PRIM2: variants seen among roughly 807,000 people sequenced by gnomAD.
The protein encoded by PRIM2 is DNA primase large subunit.
In PRIM2, 39 loss-of-function variants were observed where a neutral mutation model predicts 67.3. The ratio of observed to expected loss-of-function variants is 0.58; its 90% confidence interval spans 0.45 to 0.76. The LOEUF (loss-of-function observed/expected upper bound fraction) is 0.76. PRIM2 is among the 30% of genes least tolerant of loss of function. The pLI is 0.00. For synonymous variants in PRIM2, 143 were observed against 198.7 expected (o/e 0.72, Z 2.36); for missense variants, 398 against 598.7 (o/e 0.66, Z 3.50).
In PRIM2 at chr6:57,543,096, C is replaced by T. The variant is rs1466088276; in HGVS notation, c.1020+5471C>T. Among the ~76,000 whole-genome samples the T allele has an allele frequency of 4.7e-5, 7 of 148,696 alleles. No homozygotes were observed. The South Asian group carries it at 6.4e-4, about 14-fold the overall frequency. On this transcript the variant is annotated intron_variant, in intron 10 of 13. Transcript: ENST00000615550. Reference sequence around the variant, plus strand: ...CTGGGACTACAGGCGCCCGCCACCTCGCCCGGCTAAGTTTTTGTATTTTTA... The same window carrying T: ...CTGGGACTACAGGCGCCCGCCACCTTGCCCGGCTAAGTTTTTGTATTTTTA...
the PRIM2 span, among the ~76,000 whole-genome samples, chr6:57,280,506 ACTTT>A: frequency 6.6e-6 from 1 of 151,828 alleles, no homozygotes; most frequent in Admixed American, 6.6e-5. Flanking sequence ...TTAACCAAGT[ACTTT>A]CTTTCTTGTT....
intron 8 of PRIM2, among the ~76,000 whole-genome samples, chr6:57,511,340 T>TTCAC (rs1387825417): frequency 1.4e-4 from 22 of 152,236 alleles, no homozygotes; most frequent in Admixed American, 1.1e-3. Context: ...GTATTGTCCA[T>TTCAC]TCACTCATTA....
intron 7 of PRIM2, among the ~76,000 whole-genome samples, chr6:57,487,935 A>T (rs1411188495): frequency 6.6e-6 from 1 of 152,204 alleles, no homozygotes; most frequent in Admixed American, 6.5e-5. Context: ...GCCTGTTTAT[A>T]TGTTCCCTTC....
At chr6:57,284,073 T>C in the PRIM2 span, among the ~76,000 whole-genome samples, 2 of 152,166 alleles carry the variant, frequency 1.3e-5, no homozygotes, top group Non-Finnish European at 2.9e-5. Context: ...TCCCCATAAG[T>C]ATCCTGGCTT....
rs1175420628 is a variant in PRIM2 at position 57,614,068 on chromosome 6, A to G, written c.1230+7611A>G. ...CTGGGCCACGGACTGGTACTTGTCC[A>G]TGGCCTGTTAGGAACAGCAGGAGGT... On this transcript the variant is annotated intron_variant, in intron 12 of 13. Coordinates refer to ENST00000615550, the MANE Select transcript of PRIM2 (RefSeq NM_000947.5). Among the ~76,000 whole-genome samples the G allele has an allele frequency of 1.4e-3, 211 of 152,226 alleles. 5 individuals are homozygous for G. The East Asian group carries it at 0.019, about 14-fold the overall frequency.
At chr6:57,368,386 T>C (rs1197503758) in intron 5 of PRIM2, among the ~76,000 whole-genome samples, 2 of 152,182 alleles carry the variant, frequency 1.3e-5, no homozygotes, top group Non-Finnish European at 2.9e-5. Context: ...ACATACTTAC[T>C]TAATGACCAG....
chr6:57,296,740 C>A, the PRIM2 span, among the ~76,000 whole-genome samples: 4 of 152,170 alleles, frequency 2.6e-5, no homozygotes, highest in Non-Finnish European at 5.9e-5. Flanking sequence ...TACCAACGAG[C>A]ATGCCTAGCA....
chr6:57,382,832 G>A (rs925643179), intron 7 of PRIM2: 6 of 152,100 alleles, frequency 3.9e-5, no homozygotes, highest in Admixed American at 1.3e-4. Flanking sequence ...GACTTCAAAG[G>A]TTTGTGACAT....
the PRIM2 span, among the ~76,000 whole-genome samples, chr6:57,277,705 C>G: frequency 6.6e-6 from 1 of 151,948 alleles, no homozygotes; most frequent in East Asian, 1.9e-4. Context: ...TCTGGCCAGG[C>G]GCGGTGGCTT....
the PRIM2 span, among the ~76,000 whole-genome samples, chr6:57,233,492 G>A: frequency 6.6e-6 from 1 of 152,154 alleles, no homozygotes; most frequent in African/African-American, 2.4e-5. Context: ...CACAAAATGC[G>A]TAAAATGATC....
chr6:57,643,744 A>T (rs1267545471), intron 13 of PRIM2, among the ~76,000 whole-genome samples: 16 of 152,346 alleles, frequency 1.1e-4, no homozygotes, highest in African/African-American at 3.8e-4. Flanking sequence ...AAACATTTTG[A>T]AATCAAGCAG....
At chr6:57,392,651 G>GGATATCCACAA (rs1770393093) in intron 7 of PRIM2, among the ~76,000 whole-genome samples, 1 of 150,468 alleles carries the variant, frequency 6.6e-6, no homozygotes, top group African/African-American at 2.4e-5. Context: ...TTTTTTTTGT[G>GGATATCCACAA]GATATCCAAA....
At chr6:57,605,300 G>C (rs1231682554) in intron 11 of PRIM2, among the ~76,000 whole-genome samples, 1 of 152,106 alleles carries the variant, frequency 6.6e-6, no homozygotes, top group African/African-American at 2.4e-5. Context: ...TTGAGTTAAT[G>C]GGGGGAGTCC....
chr6:57,246,671 G>A, the PRIM2 span, among the ~76,000 whole-genome samples: 9 of 152,132 alleles, frequency 5.9e-5, no homozygotes, highest in African/African-American at 2.2e-4. Flanking sequence ...AGAGAACACT[G>A]TGATAACCAA....
intron 10 of PRIM2, among the ~76,000 whole-genome samples, chr6:57,575,789 T>G (rs1262271380): frequency 6.6e-6 from 1 of 152,138 alleles, no homozygotes; most frequent in Non-Finnish European, 1.5e-5. Context: ...GTTTGTTTGT[T>G]TGTTTTGAGA....
At chr6:57,470,245 T>C (rs1265623857) in intron 7 of PRIM2, among the ~76,000 whole-genome samples, 1 of 151,546 alleles carries the variant, frequency 6.6e-6, no homozygotes, top group Non-Finnish European at 1.5e-5. Flanking sequence ...ATTTCCTCAC[T>C]CTGGATAACC....
At chr6:57,320,125 G>A (rs969880531) in intron 2 of PRIM2, among the ~76,000 whole-genome samples, 2 of 152,166 alleles carry the variant, frequency 1.3e-5, no homozygotes, top group African/African-American at 2.4e-5. Context: ...GCTCCCATAC[G>A]AAGGATGCAA....
chr6:57,620,909 T>C (rs1776841133), intron 12 of PRIM2, among the ~76,000 whole-genome samples: 1 of 152,268 alleles, frequency 6.6e-6, no homozygotes, highest in Admixed American at 6.5e-5. Context: ...AAATGGACAC[T>C]GAAAGCAAGC....
At chr6:57,330,359 TTG>T (rs1491008140) in intron 5 of PRIM2, among the ~76,000 whole-genome samples, 1,384 of 103,314 alleles carry the variant, frequency 0.013, 66 homozygotes, top group African/African-American at 0.054. Context: ...TTTTTTTTTT[TTG>T]TTTTTGTTTT....
Sources: allele counts gnomAD v4.1 joint callset (sites outside exome capture counted in the v4.1 genomes callset), GRCh38; gene constraint gnomAD v4.1.1; transcripts MANE v1.5; gene names NCBI Gene and HGNC (gene_info 2026-07-23, HGNC 2026-07-21).